MYH6: variants seen among roughly 807,000 people sequenced by gnomAD.
The protein encoded by MYH6 is myosin heavy chain 6, also known as myosin-6.
Under a neutral mutation model 223.2 loss-of-function variants are expected in MYH6, and 126 were observed. That is an observed-to-expected ratio of 0.56 (90% CI 0.49 to 0.65). MYH6 has a LOEUF of 0.65. Among genes scored for constraint, MYH6 ranks in the 30% least tolerant of loss-of-function variants. MYH6 has a pLI of 0.00. For missense variants in MYH6, 2,040 were observed against 2,536.4 expected (o/e 0.80, Z 4.20); for synonymous variants, 978 against 1,010.2 (o/e 0.97, Z 0.61).
rs766732449 is a variant in MYH6 at position 23,389,390 on chromosome 14, C to A, written c.3978+3G>T. 1.2e-5 allele frequency: 19 copies of A among 1,614,164 alleles called. No homozygotes were observed. The highest frequency in any genetic ancestry group is 1.6e-4 in the Middle Eastern group (1 of 6,062). ...CCTGCCCACCCTCCCCACTGGGCCT[C>A]ACCTTGCCCTCCTCCTCCAGCTGCC... On this transcript the variant is annotated splice_donor_region_variant and intron_variant, in intron 28 of 38. Coordinates refer to ENST00000405093, the MANE Select transcript of MYH6 (RefSeq NM_002471.4).
intron 30 of MYH6, 94 bp downstream of exon 30, chr14:23,388,061 C>G: frequency 6.2e-7 from 1 of 1,609,088 alleles, no homozygotes; most frequent in Non-Finnish European, 8.5e-7. Context: ...TAGCCCTCCT[C>G]CTCCACCTCC....
intron 25 of MYH6, among the ~76,000 whole-genome samples, chr14:23,392,071 T>G (rs1485724068): frequency 6.6e-6 from 1 of 152,084 alleles, no homozygotes; most frequent in African/African-American, 2.4e-5. Flanking sequence ...TCAGGGAGGG[T>G]AAGTGACTTG....
chr14:23,396,090 A>G (rs1316050175), intron 20 of MYH6, among the ~76,000 whole-genome samples, 194 bp downstream of exon 20: 3 of 151,180 alleles, frequency 2.0e-5, no homozygotes, highest in Admixed American at 6.6e-5. Flanking sequence ...ATTTTCCTAT[A>G]GAGAAGTTTC....
chr14:23,384,894 C>A, intron 35 of MYH6, 22 bp downstream of exon 35: 2 of 1,613,570 alleles, frequency 1.2e-6, no homozygotes, highest in Non-Finnish European at 1.7e-6. Flanking sequence ...TTAGGGGAGG[C>A]GGAAGGTGGG....
chr14:23,397,952 CTTCTTCTTCTTCTTCTTCT>C, intron 15 of MYH6, among the ~76,000 whole-genome samples: 1 of 91,170 alleles, frequency 1.1e-5, no homozygotes, highest in African/African-American at 4.8e-5. Flanking sequence ...TCTTCTTCTT[CTTCTTCTTCTTCTTCTTCT>C]TCTTCTTCTT....
At position 23,397,619 on chromosome 14, in the gene MYH6, C is replaced by T; in HGVS notation, c.1892-6G>A. The T allele has an allele frequency of 6.2e-7, 1 of 1,614,070 alleles. No individual in the cohort carries two copies. Among genetic ancestry groups the T allele is most frequent in the Non-Finnish European group, 8.5e-7 (1 of 1,179,940 alleles). On this transcript the variant is annotated splice_region_variant and splice_polypyrimidine_tract_variant and intron_variant, in intron 15 of 38. Transcript: ENST00000405093. ...TTTGCTTTTACCACTGTCCCCTAAA[C>T]AGCGAGAGGAGAAATAATCAACAGG...
In MYH6 at chr14:23,407,540, C is replaced by T. The variant is rs1365119569; in HGVS notation, c.-14+36G>A. On this transcript the variant is annotated intron_variant, in intron 2 of 38. Coordinates refer to ENST00000405093, the MANE Select transcript of MYH6 (RefSeq NM_002471.4). The surrounding 1 kb of genome is among the most constrained non-coding windows in gnomAD (Gnocchi z 5.6). ...AATCCGGCTCCCAGGAGAAGCATGCCCCAGTCTCTGCAGAGAAAATGGGGG... is the reference window on the plus strand; with the variant it reads ...AATCCGGCTCCCAGGAGAAGCATGCTCCAGTCTCTGCAGAGAAAATGGGGG... 7.8e-6 allele frequency: 10 copies of T among 1,278,268 alleles called. No individual in the cohort carries two copies. Among genetic ancestry groups the T allele is most frequent in the Non-Finnish European group, 1.0e-5 (10 of 1,000,648 alleles). The allele number at this position is 1,278,268 out of a possible 1,614,324, so 79.2% of individuals were successfully genotyped here.
At chr14:23,382,143 A>T in intron 38 of MYH6, 80 bp from the exon 39 acceptor site, 2 of 1,390,832 alleles carry the variant, frequency 1.4e-6, no homozygotes, top group Non-Finnish European at 2.0e-6. Context: ...GGGCTTTCAG[A>T]GGCCTAAGGG....
intron 29 of MYH6, chr14:23,388,617 G>A (rs756125941): frequency 7.0e-6 from 6 of 858,476 alleles, no homozygotes; most frequent in South Asian, 2.7e-5. Context: ...CTTTTTGCTC[G>A]TCTTATACGT....
At chr14:23,398,236 T>C (rs530309751) in intron 15 of MYH6, among the ~76,000 whole-genome samples, 1 of 152,190 alleles carries the variant, frequency 6.6e-6, no homozygotes, top group South Asian at 2.1e-4. Context: ...CAGACTGGTC[T>C]CGAACTCCTG....
intron 18 of MYH6, 52 bp downstream of exon 18, chr14:23,396,911 G>A (rs1046161491): frequency 3.7e-6 from 6 of 1,612,360 alleles, no homozygotes; most frequent in African/African-American, 2.7e-5. Flanking sequence ...ATTCCCATCA[G>A]GGCAGCCTGG....
At position 23,392,597 on chromosome 14, in the gene MYH6, C is replaced by T. The variant is rs1445428064; in HGVS notation, c.3307G>A (p.Ala1103Thr). Residue 1103 changes from alanine (A) to threonine (T), a missense_variant, in exon 25 of 39, where the codon GCC becomes ACC. Transcript: ENST00000405093. Reference protein sequence around the residue: ...NSKIEDEQVLALQLQKKLKEN... With the variant: ...NSKIEDEQVLTLQLQKKLKEN... The stretch of plus-strand genomic sequence containing the variant: ...TTCAGTTTCTTCTGTAGTTGAAGGG[C>T]CAGCACCTGCTCATCCTCAATCTTA... 4 of 1,613,380 alleles carry T rather than the reference C, an allele frequency of 2.5e-6. No individual in the cohort carries two copies. The South Asian group carries it at 4.4e-5, about 18-fold the overall frequency.
rs1229592151 is a variant in MYH6 at position 23,407,181 on chromosome 14, A to T, written c.43T>A (p.Tyr15Asn). ...QMADFGAAAQ[Y>N]LRKSEKERLE... is the part of the protein sequence containing the mutation. Reference sequence around the variant, plus strand: ...CGCTCCTTCTCTGACTTGCGGAGGTACTGGGCCGCTGCCCCAAAGTCAGCC... The same window carrying T: ...CGCTCCTTCTCTGACTTGCGGAGGTTCTGGGCCGCTGCCCCAAAGTCAGCC... The change falls in exon 3 of 39, where the codon TAC becomes AAC. Residue 15 changes from tyrosine (Y) to asparagine (N), a missense_variant. Transcript: ENST00000405093. The surrounding 1 kb of genome is among the most constrained non-coding windows in gnomAD (Gnocchi z 5.6). The T allele has an allele frequency of 1.2e-6, 2 of 1,614,226 alleles. No homozygotes were observed. The highest frequency in any genetic ancestry group is 1.7e-6 in the Non-Finnish European group (2 of 1,180,036).
intron 29 of MYH6, 110 bp from the exon 30 acceptor site, chr14:23,388,448 C>A: frequency 6.5e-7 from 1 of 1,528,268 alleles, no homozygotes; most frequent in South Asian, 1.1e-5. Flanking sequence ...CACCGTAAGT[C>A]CAGCCTAGCA....
chr14:23,386,753 G>T lies in MYH6; in HGVS notation c.4651-130C>A. The T allele has an allele frequency of 4.4e-6, 5 of 1,149,252 alleles. No individual in the cohort carries two copies. In the South Asian group the frequency reaches 6.1e-5, roughly 14 times the overall value. The allele number at this position is 1,149,252 out of a possible 1,614,324, so 71.2% of individuals were successfully genotyped here. A position where few individuals can be genotyped will look rare whatever the true frequency, so the allele number is the denominator to read the frequency against. ...AGAGCTGAGAAGAGATGGGGAGGTG[G>T]GATCTGCACCCCATGCCCACCACGG... On this transcript the variant is annotated intron_variant, in intron 32 of 38. Transcript: ENST00000405093.
intron 36 of MYH6, among the ~76,000 whole-genome samples, chr14:23,384,106 T>A (rs1414947580): frequency 6.6e-6 from 1 of 151,312 alleles, no homozygotes; most frequent in African/African-American, 2.4e-5. Context: ...TCTTTTCCCC[T>A]CCCCTGACTC....
chr14:23,402,651 G>A (rs1891641517), intron 11 of MYH6, 46 bp downstream of exon 11: 3 of 1,613,632 alleles, frequency 1.9e-6, no homozygotes, highest in East Asian at 4.5e-5. Context: ...GTGGCCCCAG[G>A]AGCTCCTGGG....
Position 23,398,977 on chromosome 14 carries a change from T to A in MYH6, c.1642A>T (p.Thr548Ser). 1 of 1,614,042 alleles carries A rather than the reference T, an allele frequency of 6.2e-7. No individual in the cohort carries two copies. The highest frequency in any genetic ancestry group is 8.5e-7 in the Non-Finnish European group (1 of 1,180,002). Residue 548 changes from threonine to serine, a missense_variant, in exon 15 of 39, where the codon ACC becomes TCC. Around this residue, in one of 4 missense-constraint regions of MYH6, gnomAD observed 649 missense variants for 877.3 expected, o/e 0.74. Coordinates refer to ENST00000405093, the MANE Select transcript of MYH6 (RefSeq NM_002471.4). Reference protein sequence around the residue: ...ECMFPKATDMTFKAKLYDNHL... With the variant: ...ECMFPKATDMSFKAKLYDNHL... Reference sequence around the variant, plus strand: ...TTGTCGTACAGCTTGGCCTTGAAGGTCATGTCAGTGGCCTTGGGGAACATG... The same window carrying A: ...TTGTCGTACAGCTTGGCCTTGAAGGACATGTCAGTGGCCTTGGGGAACATG...
chr14:23,386,211 G>A (rs1891015817), intron 33 of MYH6, 80 bp from the exon 34 acceptor site: 7 of 1,611,854 alleles, frequency 4.3e-6, no homozygotes, highest in African/African-American at 4.0e-5. Context: ...GGTCCCTGCA[G>A]TAACCCAGGG....
Sources: gnomAD v4.1 joint callset for allele counts (sites outside exome capture counted in the v4.1 genomes callset) on GRCh38, gnomAD v4.1.1 for gene constraint, gnomAD v4.1.1 regional missense constraint, Gnocchi (gnomAD v3.1) non-coding constraint, MANE v1.5 for transcripts, NCBI Gene and HGNC (gene_info 2026-07-23, HGNC 2026-07-21) for gene names.